The following KCNMA1 variants were observed in gnomAD, a reference collection of about 807,000 sequenced individuals.
KCNMA1 encodes Calcium-activated potassium channel subunit alpha-1.
Under a neutral mutation model 140.0 loss-of-function variants are expected in KCNMA1, and 29 were observed. The ratio of observed to expected loss-of-function variants is 0.21; its 90% CI spans 0.15 to 0.28. KCNMA1 has a LOEUF of 0.28. KCNMA1 is among the 10% of genes least tolerant of loss of function. KCNMA1 has a pLI of 1.00. For synonymous variants in KCNMA1, 612 were observed against 611.9 expected, an observed-to-expected ratio of 1.00 and a Z score of 0.00; for missense variants, 880 against 1,602.2, an observed-to-expected ratio of 0.55 and a Z score of 7.70.
chr10:77,582,131 G>A (rs977548241), intron 1 of KCNMA1, among the ~76,000 whole-genome samples: 1 of 152,184 alleles, frequency 6.6e-6, no homozygotes, highest in Non-Finnish European at 1.5e-5. Context: ...AGACCCACCA[G>A]GGCAAAAGCA....
intron 1 of KCNMA1, among the ~76,000 whole-genome samples, chr10:77,605,102 G>C (rs998397818): frequency 2.0e-5 from 3 of 152,360 alleles, no homozygotes; most frequent in African/African-American, 4.8e-5. Flanking sequence ...CCAGCTGCCG[G>C]GCTTTCCAGG....
intron 1 of KCNMA1, chr10:77,636,178 G>C: frequency 7.0e-7 from 1 of 1,419,672 alleles, no homozygotes; most frequent in Non-Finnish European, 9.2e-7. Flanking sequence ...TACTCAGAAA[G>C]AAGGCAGCTG....
At chr10:77,130,684 A>G (rs1305952405) in intron 5 of KCNMA1, among the ~76,000 whole-genome samples, 1 of 152,172 alleles carries the variant, frequency 6.6e-6, no homozygotes, top group Non-Finnish European at 1.5e-5. Context: ...AGGGGGTAGG[A>G]AACAGCAGAA....
chr10:76,944,297 A>G (rs2063357043), intron 23 of KCNMA1, among the ~76,000 whole-genome samples: 1 of 152,190 alleles, frequency 6.6e-6, no homozygotes, highest in South Asian at 2.1e-4. Context: ...AATGACTTTT[A>G]GTGTCCATAG....
intron 1 of KCNMA1, among the ~76,000 whole-genome samples, chr10:77,533,630 G>A (rs2058218662): frequency 1.3e-5 from 2 of 151,866 alleles, no homozygotes; most frequent in Admixed American, 6.6e-5. Flanking sequence ...ATCACTGCCC[G>A]GCAAGAGTCA....
Position 77,361,747 on chromosome 10 carries a change from C to T in KCNMA1, c.540+42115G>A, listed in dbSNP as rs141264091. ...CAGTTGGGAGTGGCCCAGGGCCTTT[C>T]TGCGGCCTGGCAGGACAGGGTGGCC... On this transcript the variant is annotated intron_variant, in intron 2 of 27. Transcript: ENST00000286628. 3.5e-3 allele frequency among the ~76,000 whole-genome samples: 527 copies of T among 152,334 alleles called. 2 individuals are homozygous for T. Among genetic ancestry groups the T allele is most frequent in the Admixed American group, 5.9e-3 (90 of 15,310 alleles).
At chr10:77,431,485 C>CA (rs2097149799) in intron 1 of KCNMA1, among the ~76,000 whole-genome samples, 2 of 152,078 alleles carry the variant, frequency 1.3e-5, no homozygotes, top group African/African-American at 4.8e-5. Context: ...GATGCAGGAA[C>CA]AGCCAAGAGT....
intron 2 of KCNMA1, among the ~76,000 whole-genome samples, chr10:77,323,005 C>T (rs1255001171): frequency 2.0e-5 from 3 of 152,184 alleles, no homozygotes; most frequent in Non-Finnish European, 2.9e-5. Flanking sequence ...ACTAAGACCA[C>T]GTAATTGACT....
chr10:77,203,065 C>T (rs2042956256), intron 3 of KCNMA1, among the ~76,000 whole-genome samples: 2 of 152,184 alleles, frequency 1.3e-5, no homozygotes, highest in African/African-American at 4.8e-5. Context: ...ACCGTTATTA[C>T]CTGCAAGTGG....
intron 29 of KCNMA1, among the ~76,000 whole-genome samples, chr10:76,879,106 T>C (rs915441251): frequency 2.0e-5 from 3 of 151,494 alleles, no homozygotes; most frequent in African/African-American, 7.3e-5. Flanking sequence ...GCGTTGGGGG[T>C]GGGGTATGTG....
In KCNMA1 at chr10:77,137,786, T is replaced by A. The variant is rs563390233; in HGVS notation, c.809-16738A>T. ...CAGGTTGTTTTGCTCCCTACTTTTT[T>A]AAAAAAATTTTTTGAGACAGGGTCT... On this transcript the variant is annotated intron_variant, in intron 5 of 27. Coordinates refer to ENST00000286628, the MANE Select transcript of KCNMA1 (RefSeq NM_001161352.2). Among the ~76,000 whole-genome samples the A allele has an allele frequency of 5.9e-5, 9 of 152,334 alleles. 1 individual carries two copies. The South Asian group carries it at 8.3e-4, about 14-fold the overall frequency.
intron 1 of KCNMA1, chr10:77,634,624 T>C (rs765010080): frequency 1.7e-5 from 17 of 985,350 alleles, no homozygotes; most frequent in Non-Finnish European, 2.0e-5. Flanking sequence ...GGTGAACCCA[T>C]CTGAGGGCTG....
intron 2 of KCNMA1, among the ~76,000 whole-genome samples, chr10:77,306,653 C>CTG (rs1337041844): frequency 6.6e-6 from 1 of 152,200 alleles, no homozygotes; most frequent in African/African-American, 2.4e-5. Flanking sequence ...AAAGATTCTA[C>CTG]CAGCCGCAGT....
intron 2 of KCNMA1, among the ~76,000 whole-genome samples, chr10:77,299,194 C>T (rs956532439): frequency 1.6e-4 from 25 of 152,286 alleles, no homozygotes; most frequent in Admixed American, 1.0e-3. Context: ...CACCCTGCAA[C>T]GCCCTCCCTG....
Position 77,081,243 on chromosome 10 carries a change from A to G in KCNMA1, c.1524-1693T>C, listed in dbSNP as rs990437498. Among the ~76,000 whole-genome samples the G allele has an allele frequency of 4.4e-4, 67 of 152,290 alleles. 1 individual carries two copies. The highest frequency in any genetic ancestry group is 1.6e-3 in the African/African-American group (66 of 41,578). On this transcript the variant is annotated intron_variant, in intron 12 of 27. Transcript: ENST00000286628. ...TCTCTGTTCCTGTTTCCTCATCTGG[A>G]CACTGGGAGCAACAGTACCTGCTTT... is the stretch of plus-strand genomic sequence containing the variant.
At chr10:77,095,524 A>C (rs61866986) in intron 9 of KCNMA1, among the ~76,000 whole-genome samples, 9,073 of 152,230 alleles carry the variant, frequency 0.06, 383 homozygotes, top group Non-Finnish European at 0.091. Context: ...GGTTTAACTG[A>C]AAAGGGCAGT....
At chr10:77,526,012 C>A (rs1037827899) in intron 1 of KCNMA1, among the ~76,000 whole-genome samples, 7 of 152,128 alleles carry the variant, frequency 4.6e-5, no homozygotes, top group Non-Finnish European at 8.8e-5. Flanking sequence ...GAAAGATTTT[C>A]TCTATATATA....
chr10:77,432,181 A>C (rs1376707777), intron 1 of KCNMA1, among the ~76,000 whole-genome samples: 2 of 152,184 alleles, frequency 1.3e-5, no homozygotes, highest in Non-Finnish European at 2.9e-5. Context: ...GTAGTGCTTA[A>C]TGAGAGGCCA....
intron 1 of KCNMA1, among the ~76,000 whole-genome samples, chr10:77,486,247 A>G (rs1401429731): frequency 6.6e-6 from 1 of 151,926 alleles, no homozygotes; most frequent in Non-Finnish European, 1.5e-5. Flanking sequence ...CCTCAACCTC[A>G]CCTCATCTCC....
Sources: gnomAD v4.1 joint callset for allele counts (sites outside exome capture counted in the v4.1 genomes callset) on GRCh38, gnomAD v4.1.1 for gene constraint, MANE v1.5 for transcripts, NCBI Gene and HGNC (gene_info 2026-07-23, HGNC 2026-07-21) for gene names.